Variants in NEK10 observed in about 807,000 individuals in gnomAD.
NEK10 encodes the protein NIMA related kinase 10, also known as serine/threonine-protein kinase Nek10.
Under a neutral mutation model 159.8 loss-of-function variants are expected in NEK10, and 122 were observed. The observed-to-expected ratio is 0.76, with a 90% CI of 0.66 to 0.89. The LOEUF is 0.89. Ranked by LOEUF, NEK10 falls within the 40% of genes least tolerant of loss-of-function variation. The probability of loss-of-function intolerance (pLI) is 0.00; values close to 1 mark genes in which losing one functional copy is unlikely to be tolerated. For missense variants in NEK10, 1,342 were observed against 1,323.1 expected, an observed-to-expected ratio of 1.01 and a Z score of -0.22; for synonymous variants, 466 against 457.1, an observed-to-expected ratio of 1.02 and a Z score of -0.25.
At chr3:27,272,627 A>G (rs2041455087) in intron 22 of NEK10, among the ~76,000 whole-genome samples, 1 of 152,108 alleles carries the variant, frequency 6.6e-6, no homozygotes, top group South Asian at 2.1e-4. Context: ...TATTTTTTAC[A>G]AAGTTTCCAG....
intron 30 of NEK10, among the ~76,000 whole-genome samples, chr3:27,158,301 T>A (rs1945696880): frequency 6.6e-6 from 1 of 152,150 alleles, no homozygotes; most frequent in Non-Finnish European, 1.5e-5. Context: ...AATTTTTATA[T>A]GATTAAAAAT....
At chr3:27,156,773 G>A (rs906055528) in intron 30 of NEK10, among the ~76,000 whole-genome samples, 2 of 150,682 alleles carry the variant, frequency 1.3e-5, no homozygotes, top group Admixed American at 6.6e-5. Context: ...AGTTCTTTAA[G>A]CCAGCAATCC....
intron 14 of NEK10, among the ~76,000 whole-genome samples, chr3:27,296,064 G>A (rs1305344129): frequency 1.3e-5 from 2 of 151,992 alleles, no homozygotes; most frequent in Non-Finnish European, 2.9e-5. Flanking sequence ...CAACCATAAA[G>A]GGAGAAATTA....
intron 22 of NEK10, chr3:27,278,615 C>T (rs2041934101): frequency 1.3e-6 from 1 of 766,312 alleles, no homozygotes; most frequent in Non-Finnish European, 1.6e-6. Context: ...AACATGTGAC[C>T]TTCTGTGTCA....
chr3:27,185,933 G>A (rs1388183461), intron 26 of NEK10, among the ~76,000 whole-genome samples: 1 of 152,204 alleles, frequency 6.6e-6, no homozygotes, highest in Non-Finnish European at 1.5e-5. Context: ...GGATTTGCCA[G>A]ACATTTCAAA....
At chr3:27,192,660 G>A (rs1169782663) in intron 25 of NEK10, among the ~76,000 whole-genome samples, 2 of 150,716 alleles carry the variant, frequency 1.3e-5, no homozygotes, top group East Asian at 3.9e-4. Flanking sequence ...TAAATTCTTA[G>A]ACTGCAGATG....
At chr3:27,278,047 A>G (rs11914763) in intron 22 of NEK10, among the ~76,000 whole-genome samples, 1 of 152,018 alleles carries the variant, frequency 6.6e-6, no homozygotes, top group African/African-American at 2.4e-5. Context: ...AAATGGAACA[A>G]ATATGGTCTT....
At chr3:27,308,314 G>A (rs2044404332) in intron 10 of NEK10, among the ~76,000 whole-genome samples, 1 of 152,156 alleles carries the variant, frequency 6.6e-6, no homozygotes, top group Non-Finnish European at 1.5e-5. Flanking sequence ...TGACATGAGG[G>A]AATTATGGGG....
At chr3:27,137,341 T>C (rs147052568) in intron 31 of NEK10, among the ~76,000 whole-genome samples, 9 of 152,270 alleles carry the variant, frequency 5.9e-5, no homozygotes, top group African/African-American at 2.2e-4. Context: ...TGAAATCCAA[T>C]AAGAAAATGG....
intron 16 of NEK10, among the ~76,000 whole-genome samples, chr3:27,291,963 A>T (rs4504137): frequency 6.6e-6 from 1 of 152,036 alleles, no homozygotes; most frequent in Non-Finnish European, 1.5e-5. Flanking sequence ...TTTTGAATGC[A>T]GCTCACTCAC....
At chr3:27,299,506 C>G (rs942156471) in intron 13 of NEK10, among the ~76,000 whole-genome samples, 1 of 152,148 alleles carries the variant, frequency 6.6e-6, no homozygotes, top group Non-Finnish European at 1.5e-5. Flanking sequence ...GGGTCAGAGC[C>G]CCCACACAGA....
At chr3:27,263,878 A>T (rs2040646723) in intron 22 of NEK10, among the ~76,000 whole-genome samples, 1 of 151,872 alleles carries the variant, frequency 6.6e-6, no homozygotes, top group Admixed American at 6.6e-5. Context: ...CTCAGTTGGA[A>T]ATGCAGAAGT....
intron 16 of NEK10, among the ~76,000 whole-genome samples, chr3:27,293,193 A>C (rs1427078799): frequency 1.3e-5 from 2 of 149,434 alleles, no homozygotes; most frequent in African/African-American, 2.5e-5. Flanking sequence ...CTTTGATTAA[A>C]TTCCCTTTGA....
intron 20 of NEK10, among the ~76,000 whole-genome samples, chr3:27,287,185 G>T (rs2042682250): frequency 6.7e-6 from 1 of 148,510 alleles, no homozygotes. Context: ...TATCTGTTTT[G>T]GTTCTAGTTC....
At chr3:27,252,135 G>A in intron 23 of NEK10, 1 of 376,156 alleles carries the variant, frequency 2.7e-6, no homozygotes. Flanking sequence ...GAACAAAGGA[G>A]ACGCAAGTCC....
intron 23 of NEK10, among the ~76,000 whole-genome samples, chr3:27,224,519 A>G (rs1215347395): frequency 6.6e-6 from 1 of 150,916 alleles, no homozygotes; most frequent in Non-Finnish European, 1.5e-5. Flanking sequence ...CCCTCCCACA[A>G]TCGACTCTTC....
chr3:27,117,096 T>C (rs767213730), intron 33 of NEK10, among the ~76,000 whole-genome samples: 3 of 152,118 alleles, frequency 2.0e-5, no homozygotes, highest in Non-Finnish European at 4.4e-5. Context: ...TCTGTTCCCG[T>C]GTTAGTTTGC....
intron 32 of NEK10, among the ~76,000 whole-genome samples, chr3:27,128,190 T>C (rs1942192111): frequency 6.6e-6 from 1 of 152,180 alleles, no homozygotes. Flanking sequence ...CCTCTGCAGT[T>C]GCGTTCCAAC....
chr3:27,246,775 A>G (rs777989012), intron 23 of NEK10, among the ~76,000 whole-genome samples: 2 of 152,056 alleles, frequency 1.3e-5, no homozygotes, highest in Non-Finnish European at 2.9e-5. Context: ...TTTTAGCACC[A>G]CAAATTTTTA....
Sources: allele counts gnomAD v4.1 joint callset (sites outside exome capture counted in the v4.1 genomes callset), GRCh38; gene constraint gnomAD v4.1.1; transcripts MANE v1.5; gene names NCBI Gene and HGNC (gene_info 2026-07-23, HGNC 2026-07-21).